The following CREBRF variants were observed in gnomAD, a reference collection of about 807,000 sequenced individuals.
CREBRF encodes UPF0474 protein C5orf41.
CREBRF carries 5 observed loss-of-function variants against 66.1 expected under a neutral mutation model. The observed-to-expected ratio is 0.08, with a 90% CI of 0.04 to 0.16. The LOEUF is 0.16. CREBRF is among the 10% of genes least tolerant of loss of function. CREBRF has a pLI of 1.00. For missense variants in CREBRF, 531 were observed against 744.9 expected (o/e 0.71, Z 3.34); for synonymous variants, 229 against 264.4 (o/e 0.87, Z 1.30).
At chr5:173,086,465 CTT>C (rs1758151622) in intron 2 of CREBRF, 34 bp from the exon 3 acceptor site, 1 of 1,607,532 alleles carries the variant, frequency 6.2e-7, no homozygotes, top group South Asian at 1.1e-5. Flanking sequence ...TCAAAGTAGT[CTT>C]TAACTTTCTA....
intron 1 of CREBRF, among the ~76,000 whole-genome samples, chr5:173,073,659 A>G (rs1340636328): frequency 1.3e-5 from 2 of 152,242 alleles, no homozygotes; most frequent in African/African-American, 4.8e-5. Context: ...AGATTAATCC[A>G]GAAACTTGCT....
chr5:173,122,353 G>GGT (rs1024941229), intron 7 of CREBRF, among the ~76,000 whole-genome samples: 15 of 152,122 alleles, frequency 9.9e-5, no homozygotes, highest in African/African-American at 3.6e-4. Context: ...CACCTGCCTT[G>GGT]GTCTCCCAAA....
At chr5:173,113,918 G>A (rs1758925843) in intron 7 of CREBRF, among the ~76,000 whole-genome samples, 1 of 152,154 alleles carries the variant, frequency 6.6e-6, no homozygotes, top group Admixed American at 6.5e-5. Flanking sequence ...TTATAAGAGT[G>A]TATTCCTTTG....
Position 173,089,822 on chromosome 5 carries a change from C to T in CREBRF, c.136-493C>T, listed in dbSNP as rs562309735. Among the ~76,000 whole-genome samples the T allele has an allele frequency of 1.1e-4, 17 of 152,140 alleles. No homozygotes were observed. The South Asian group carries it at 3.5e-3, about 32-fold the overall frequency. ...GCTCTTTGCCTCTATATTTAAGTTC[C>T]CACTAAAAAGATATCCTCTTCTGTA... On this transcript the variant is annotated intron_variant, in intron 3 of 8. Transcript: ENST00000296953.
chr5:173,076,163 G>C (rs746906764), intron 1 of CREBRF, among the ~76,000 whole-genome samples: 1 of 152,030 alleles, frequency 6.6e-6, no homozygotes, highest in Non-Finnish European at 1.5e-5. Flanking sequence ...GGCATCTGTT[G>C]AGGGTCATCC....
chr5:173,125,501 CT>C (rs1171788860), intron 8 of CREBRF, among the ~76,000 whole-genome samples: 17 of 152,294 alleles, frequency 1.1e-4, no homozygotes, highest in Non-Finnish European at 1.9e-4. Context: ...TTCCTCTGAA[CT>C]TTTAAAAGAA....
intron 3 of CREBRF, among the ~76,000 whole-genome samples, chr5:173,087,552 T>C (rs1758196978): frequency 6.6e-6 from 1 of 151,600 alleles, no homozygotes; most frequent in South Asian, 2.1e-4. Context: ...AAAAATTAGC[T>C]GGGCATGGTA....
At position 173,135,067 on chromosome 5, in the gene CREBRF, T is replaced by C. The variant is rs943025011; in HGVS notation, c.*1322T>C. 1 of 152,294 alleles carries C rather than the reference T, an allele frequency of 6.6e-6. No individual in the cohort carries two copies. Among genetic ancestry groups the C allele is most frequent in the African/African-American group, 2.4e-5 (1 of 41,452 alleles). The allele number at this position is 152,294 out of a possible 1,614,324, so 9.4% of individuals were successfully genotyped here. On this transcript the variant is annotated 3_prime_UTR_variant, in exon 9 of 9. Transcript: ENST00000296953. ...ACAACAAAATAGATTATTTTTATTG[T>C]ATTATGTATATATATATATGTAAAG...
intron 4 of CREBRF, among the ~76,000 whole-genome samples, chr5:173,096,251 G>A (rs1348950808): frequency 6.6e-6 from 1 of 152,170 alleles, no homozygotes; most frequent in South Asian, 2.1e-4. Context: ...TTACAGGCGT[G>A]AGCCACTGCG....
intron 8 of CREBRF, chr5:173,123,885 G>A (rs1392906706): frequency 2.0e-5 from 3 of 152,190 alleles, no homozygotes; most frequent in Admixed American, 2.0e-4. Flanking sequence ...CTAATCGCCA[G>A]TATTTTCCTC....
intron 1 of CREBRF, among the ~76,000 whole-genome samples, chr5:173,058,829 T>C (rs1178480723): frequency 7.5e-6 from 1 of 133,844 alleles, no homozygotes; most frequent in Non-Finnish European, 1.6e-5. Context: ...GGAGTCTCCG[T>C]CTGTCGCCCA....
At chr5:173,113,931 T>C (rs1421185563) in intron 7 of CREBRF, among the ~76,000 whole-genome samples, 1 of 152,196 alleles carries the variant, frequency 6.6e-6, no homozygotes, top group Non-Finnish European at 1.5e-5. Flanking sequence ...TTCCTTTGCC[T>C]CAAAAATTGT....
intron 1 of CREBRF, among the ~76,000 whole-genome samples, chr5:173,074,606 T>A (rs1302764554): frequency 6.6e-6 from 1 of 151,776 alleles, no homozygotes; most frequent in African/African-American, 2.4e-5. Flanking sequence ...TTTTATTTTT[T>A]AAAATTTTTA....
At chr5:173,123,048 A>C in intron 7 of CREBRF, 32 bp from the exon 8 acceptor site, 4 of 1,558,944 alleles carry the variant, frequency 2.6e-6, no homozygotes, top group Non-Finnish European at 3.4e-6. Flanking sequence ...CATGGTAGTG[A>C]CATATTCCAA....
At chr5:173,088,486 T>G (rs1581678455) in intron 3 of CREBRF, among the ~76,000 whole-genome samples, 1 of 69,052 alleles carries the variant, frequency 1.4e-5, no homozygotes, top group African/African-American at 5.0e-5. Context: ...CAAGACCCCG[T>G]CTCAAAAAAA....
intron 7 of CREBRF, among the ~76,000 whole-genome samples, chr5:173,114,444 A>G (rs1758936639): frequency 6.6e-6 from 1 of 152,244 alleles, no homozygotes; most frequent in Non-Finnish European, 1.5e-5. Flanking sequence ...ACTTGAGAAC[A>G]TAGGCTTACC....
chr5:173,065,918 G>GACCA (rs1489592832), intron 1 of CREBRF, among the ~76,000 whole-genome samples: 1 of 151,958 alleles, frequency 6.6e-6, no homozygotes, highest in Non-Finnish European at 1.5e-5. Context: ...TTACAGGCGT[G>GACCA]ACCAACCGCA....
At chr5:173,103,117 A>G (rs969378541) in intron 4 of CREBRF, among the ~76,000 whole-genome samples, 2 of 152,330 alleles carry the variant, frequency 1.3e-5, no homozygotes, top group Middle Eastern at 3.4e-3. Context: ...ATTTATTAGC[A>G]TGTTGCTCTT....
At chr5:173,071,068 A>G (rs1253364790) in intron 1 of CREBRF, among the ~76,000 whole-genome samples, 1 of 152,196 alleles carries the variant, frequency 6.6e-6, no homozygotes, top group Admixed American at 6.5e-5. Flanking sequence ...CATGAAGGTC[A>G]GTCTCACTAC....
Sources: gnomAD v4.1 joint callset for allele counts (sites outside exome capture counted in the v4.1 genomes callset) on GRCh38, gnomAD v4.1.1 for gene constraint, MANE v1.5 for transcripts, NCBI Gene and HGNC (gene_info 2026-07-23, HGNC 2026-07-21) for gene names.